Variants in GSTM4 observed in about 807,000 individuals in gnomAD.
GSTM4 encodes glutathione S-transferase mu 4.
GSTM4 carries 27 observed loss-of-function variants against 30.1 expected under a neutral mutation model. The observed-to-expected ratio is 0.90, with a 90% confidence interval of 0.66 to 1.24. The LOEUF is 1.24. GSTM4 is among the 50% of genes most tolerant of loss of function. The probability of loss-of-function intolerance (pLI) is 0.00; values close to 1 mark genes in which losing one functional copy is unlikely to be tolerated. For synonymous variants in GSTM4, 94 were observed against 96.2 expected (o/e 0.98, Z 0.13); for missense variants, 238 against 272.1 (o/e 0.87, Z 0.88).
rs922737091 is a variant in GSTM4, at chr1:109,658,146, G to A, written c.360+274G>A. The A allele has an allele frequency of 3.6e-5, 17 of 465,952 alleles. No homozygotes were observed. In the East Asian group the frequency reaches 4.8e-4, roughly 13 times the overall value. The allele number at this position is 465,952 out of a possible 1,614,324, so 28.9% of individuals were successfully genotyped here. A position where few individuals can be genotyped will look rare whatever the true frequency, so the allele number is the denominator to read the frequency against. On this transcript the variant is annotated intron_variant, in intron 5 of 7. Coordinates refer to ENST00000369836, the MANE Select transcript of GSTM4 (RefSeq NM_000850.5). ...ACCTCTGACCCCTGACCTCTGCCAC[G>A]GGCCATCTAACCCAGCTGGTTCATG... is the stretch of plus-strand genomic sequence containing the variant.
Position 109,661,320 on chromosome 1 carries a change from G to T in GSTM4, c.*66G>T. 1 of 1,607,966 alleles carries T rather than the reference G, an allele frequency of 6.2e-7. No individual in the cohort carries two copies. Among genetic ancestry groups the T allele is most frequent in the Non-Finnish European group, 8.5e-7 (1 of 1,176,838 alleles). ...CAGCCTGCTGCCCAGGCTGTGCAGC[G>T]CAGCTGGACTCTGCATCCCAGCACC... On this transcript the variant is annotated 3_prime_UTR_variant, in exon 8 of 8. Coordinates refer to ENST00000369836, the MANE Select transcript of GSTM4 (RefSeq NM_000850.5).
chr1:109,657,706 G>T, intron 4 of GSTM4, 35 bp downstream of exon 4: 2 of 1,614,068 alleles, frequency 1.2e-6, no homozygotes, highest in Non-Finnish European at 1.7e-6. Flanking sequence ...TGGGGGGAAG[G>T]TGGCATCCTC....
At chr1:109,661,897 C>T (rs1275421189), downstream of GSTM4, among the ~76,000 whole-genome samples, 3 of 152,088 alleles carry the variant, frequency 2.0e-5, no homozygotes, top group East Asian at 3.9e-4. Context: ...GTGGCGGCAT[C>T]GTAGCTTACT....
chr1:109,661,203 C>A lies in GSTM4; in HGVS notation c.606C>A (p.Arg202=), dbSNP rs1275923359. 1 of 1,611,470 alleles carries A rather than the reference C, an allele frequency of 6.2e-7. No homozygotes were observed. Among genetic ancestry groups the A allele is most frequent in the African/African-American group, 1.4e-5 (1 of 72,926 alleles). Residue 202 remains arginine, a synonymous_variant, in exon 8 of 8, where the codon CGC becomes CGA. Coordinates refer to ENST00000369836, the MANE Select transcript of GSTM4 (RefSeq NM_000850.5). ...EKISAYMKSS[R]FLPKPLYTRV... is the part of the protein sequence containing the mutation. ...TCTCTGCCTACATGAAGTCCAGCCG[C>A]TTCCTCCCAAAACCTCTGTACACAA...
Position 109,657,828 on chromosome 1 carries a change from G to T in GSTM4, c.316G>T (p.Asp106Tyr), listed in dbSNP as rs1240950679. 3.7e-6 allele frequency: 6 copies of T among 1,614,062 alleles called. No individual in the cohort carries two copies. In the African/African-American group the frequency reaches 6.7e-5, roughly 18 times the overall value. The change falls in exon 5 of 8, where the codon GAC becomes TAC. Residue 106 changes from aspartate (D) to tyrosine (Y), a missense_variant. Coordinates refer to ENST00000369836, the MANE Select transcript of GSTM4 (RefSeq NM_000850.5). ...GGACATTTTGGAGAACCAGGCTATG[G>T]ACGTCTCCAATCAGCTGGCCAGAGT... ...RVDILENQAM[D>Y]VSNQLARVCY...
chr1:109,656,591 C>G, intron 1 of GSTM4, 121 bp from the exon 2 acceptor site: 1 of 507,004 alleles, frequency 2.0e-6, no homozygotes. Flanking sequence ...TGTGTGTGTG[C>G]GTGCGCCGGG....
chr1:109,657,861 A>G lies in GSTM4; in HGVS notation c.349A>G (p.Ser117Gly). The G allele has an allele frequency of 6.2e-7, 1 of 1,614,114 alleles. No individual in the cohort carries two copies. Among genetic ancestry groups the G allele is most frequent in the South Asian group, 1.1e-5 (1 of 91,088 alleles). ...VSNQLARVCY[S>G]PDFEKLKPEY... Reference sequence around the variant, plus strand: ...CAATCAGCTGGCCAGAGTCTGCTACAGCCCTGACTTTGTGAGTCCCTCCCT... The same window carrying G: ...CAATCAGCTGGCCAGAGTCTGCTACGGCCCTGACTTTGTGAGTCCCTCCCT... Residue 117 changes from serine (S) to glycine (G), a missense_variant, in exon 5 of 8, where the codon AGC (serine) becomes GGC (glycine). By Grantham distance (56) the Ser-to-Gly change is moderately conservative. Transcript: ENST00000369836.
chr1:109,657,925 C>G, intron 5 of GSTM4, 53 bp downstream of exon 5: 5 of 1,500,056 alleles, frequency 3.3e-6, no homozygotes, highest in Non-Finnish European at 4.6e-6. Flanking sequence ...CCCATCTACT[C>G]TGGTCCTATT....
Position 109,656,382 on chromosome 1 carries a change from C to A in GSTM4, c.-8C>A. 1 of 1,613,738 alleles carries A rather than the reference C, an allele frequency of 6.2e-7. No homozygotes were observed. The highest frequency in any genetic ancestry group is 8.5e-7 in the Non-Finnish European group (1 of 1,179,708). ...GGCCTGTCTGCAGAATCGACACCAA[C>A]CAGCATCATGTCCATGACACTGGGG... On this transcript the variant is annotated 5_prime_UTR_variant, in exon 1 of 8. Transcript: ENST00000369836.
downstream of GSTM4, among the ~76,000 whole-genome samples, chr1:109,667,186 AAAT>A (rs78679006): frequency 0.11 from 16,142 of 149,562 alleles, 982 homozygotes; most frequent in Non-Finnish European, 0.14. Context: ...ACTAATATTA[AAAT>A]AATAATAATA....
At chr1:109,667,040 C>G (rs1647348714), downstream of GSTM4, among the ~76,000 whole-genome samples, 1 of 152,086 alleles carries the variant, frequency 6.6e-6, no homozygotes, top group African/African-American at 2.4e-5. Flanking sequence ...TGTTCAGCAT[C>G]CTACGCAAAC....
downstream of GSTM4, chr1:109,664,904 T>A: frequency 8.4e-7 from 1 of 1,185,008 alleles, no homozygotes; most frequent in Non-Finnish European, 1.3e-6. Flanking sequence ...ACCCATTCTC[T>A]ACCTGTGGCT....
At chr1:109,658,785 A>G in intron 5 of GSTM4, 29 bp from the exon 6 acceptor site, 1 of 1,516,404 alleles carries the variant, frequency 6.6e-7, no homozygotes, top group Non-Finnish European at 9.2e-7. Context: ...CTTGTGTCTG[A>G]GGGTGGTGAC....
At position 109,656,177 on chromosome 1, in the gene GSTM4, C is replaced by T; in HGVS notation, c.-213C>T. On this transcript the variant is annotated 5_prime_UTR_variant, in exon 1 of 8. Coordinates refer to ENST00000369836, the MANE Select transcript of GSTM4 (RefSeq NM_000850.5). ...CTCCTTCCAGCCAGTGAGGATCCAG[C>T]AACCTGCTCCGTGCCTCCCGCGCCT... is the stretch of plus-strand genomic sequence containing the variant. 1 of 579,924 alleles carries T rather than the reference C, an allele frequency of 1.7e-6. No homozygotes were observed. Among genetic ancestry groups the T allele is most frequent in the Non-Finnish European group, 3.2e-6 (1 of 313,142 alleles). 35.9% of individuals were successfully genotyped at this position (579,924 alleles called of 1,614,324 possible). A position where few individuals can be genotyped will look rare whatever the true frequency, so the allele number is the denominator to read the frequency against.
At chr1:109,656,562 GTGT>G (rs1651995942) in intron 1 of GSTM4, 137 bp downstream of exon 1, 1 of 638,900 alleles carries the variant, frequency 1.6e-6, no homozygotes, top group African/African-American at 2.8e-5. Flanking sequence ...GTGTGTGTGT[GTGT>G]GTGTGTGTGT....
chr1:109,662,936 T>C (rs901083695), downstream of GSTM4, among the ~76,000 whole-genome samples: 5 of 152,146 alleles, frequency 3.3e-5, no homozygotes, highest in African/African-American at 1.2e-4. Flanking sequence ...TTATTTTAAA[T>C]AGCCAATAAC....
rs147265487 is a variant in GSTM4, at chr1:109,659,062, C to G, written c.519C>G (p.Asn173Lys). 281 of 1,614,244 alleles carry G rather than the reference C, an allele frequency of 1.7e-4. No homozygotes were observed. In the African/African-American group the frequency reaches 3.2e-3, roughly 18 times the overall value. ...VLDLHRIFEP[N>K]CLDAFPNLKD... The stretch of plus-strand genomic sequence containing the variant: ...ACCTCCACCGTATATTTGAGCCCAA[C>G]TGCTTGGACGCCTTTCCAAATCTGA... Residue 173 changes from asparagine to lysine, a missense_variant, in exon 7 of 8, where the codon AAC (asparagine) becomes AAG (lysine). By Grantham distance (94) the Asn-to-Lys change is moderately conservative. Transcript: ENST00000369836.
chr1:109,656,444 C>G lies in GSTM4; in HGVS notation c.36+19C>G. On this transcript the variant is annotated intron_variant, in intron 1 of 7. Coordinates refer to ENST00000369836, the MANE Select transcript of GSTM4 (RefSeq NM_000850.5). ...CCGCGGGGTGAGTGAGGGTCCGCTG[C>G]ACTGTGGGACCGGGCGCGTGGGCGG... The G allele has an allele frequency of 6.2e-7, 1 of 1,613,602 alleles. No individual in the cohort carries two copies. The highest frequency in any genetic ancestry group is 8.5e-7 in the Non-Finnish European group (1 of 1,179,550).
downstream of GSTM4, among the ~76,000 whole-genome samples, chr1:109,663,068 A>T (rs535886890): frequency 6.6e-6 from 1 of 152,242 alleles, no homozygotes; most frequent in Admixed American, 6.5e-5. Context: ...ACATGCTAAC[A>T]CTATGTGCAA....
Sources: gnomAD v4.1 joint callset for allele counts (sites outside exome capture counted in the v4.1 genomes callset) on GRCh38, gnomAD v4.1.1 for gene constraint, MANE v1.5 for transcripts, NCBI Gene and HGNC (gene_info 2026-07-23, HGNC 2026-07-21) for gene names.